Variants in DOCK4 observed in about 807,000 individuals in gnomAD.
DOCK4 encodes the protein dedicator of cytokinesis protein 4.
Under a neutral mutation model 268.1 loss-of-function variants are expected in DOCK4, and 97 were observed. That is an observed-to-expected ratio of 0.36 (90% confidence interval 0.31 to 0.43). DOCK4 has a LOEUF of 0.43. Among genes scored for constraint, DOCK4 ranks in the 20% least tolerant of loss-of-function variants. The pLI is 1.00. For missense variants in DOCK4, 2,145 were observed against 2,455.7 expected (o/e 0.87, Z 2.67); for synonymous variants, 954 against 887.2 (o/e 1.08, Z -1.34).
At chr7:111,999,469 A>G (rs905766842) in intron 3 of DOCK4, among the ~76,000 whole-genome samples, 16 of 152,214 alleles carry the variant, frequency 1.1e-4, no homozygotes, top group African/African-American at 3.8e-4. Flanking sequence ...GACAGAAATA[A>G]CAGAGAAATC....
chr7:111,984,911 C>T (rs1247838387), intron 6 of DOCK4, among the ~76,000 whole-genome samples: 2 of 152,082 alleles, frequency 1.3e-5, no homozygotes, highest in Non-Finnish European at 2.9e-5. Flanking sequence ...TGAGGTCAGT[C>T]GTTAGGAGAA....
At position 111,994,183 on chromosome 7, in the gene DOCK4, C is replaced by T; in HGVS notation, c.267G>A (p.Met89Ile). Residue 89 changes from methionine (M) to isoleucine (I), a missense_variant, in exon 5 of 53, where the codon ATG becomes ATA. Physicochemically the swap from Met to Ile is conservative, Grantham distance 10. Transcript: ENST00000428084. ...TTCCCCAGTCTCTTAATGTTGATGT[C>T]ATTTCTGTGATAACAGAGTCTTCAG... ...IPTEDSVITE[M>I]TSTLRDWGTM... 1.2e-6 allele frequency: 2 copies of T among 1,608,102 alleles called. No homozygotes were observed. The highest frequency in any genetic ancestry group is 2.7e-5 in the African/African-American group (2 of 74,924).
chr7:112,070,763 G>T (rs1018208920), intron 1 of DOCK4, among the ~76,000 whole-genome samples: 1 of 152,134 alleles, frequency 6.6e-6, no homozygotes, highest in Non-Finnish European at 1.5e-5. Flanking sequence ...AACAAAAAAA[G>T]AAATCGCCTA....
chr7:111,935,269 A>G (rs1023136691), intron 12 of DOCK4: 4 of 442,644 alleles, frequency 9.0e-6, no homozygotes, highest in African/African-American at 2.0e-5. Flanking sequence ...TTCAATAACA[A>G]CTTAGGAGTA....
At chr7:111,740,877 C>T (rs79596606) in intron 47 of DOCK4, among the ~76,000 whole-genome samples, 10,984 of 151,580 alleles carry the variant, frequency 0.072, 602 homozygotes, top group African/African-American at 0.15. Context: ...GCTTTTCCAT[C>T]GCTTGCTGAT....
intron 30 of DOCK4, among the ~76,000 whole-genome samples, chr7:111,802,694 C>A (rs1264950692): frequency 6.6e-6 from 1 of 152,126 alleles, no homozygotes; most frequent in Admixed American, 6.5e-5. Flanking sequence ...TAAAAAAAAT[C>A]TCTTCCACTT....
At chr7:111,834,080 T>C (rs1803053488) in intron 26 of DOCK4, among the ~76,000 whole-genome samples, 1 of 152,320 alleles carries the variant, frequency 6.6e-6, no homozygotes, top group South Asian at 2.1e-4. Flanking sequence ...GCATCCTTAT[T>C]TCCTATTTAA....
chr7:112,143,594 C>A (rs549216645), intron 1 of DOCK4, among the ~76,000 whole-genome samples: 1 of 152,178 alleles, frequency 6.6e-6, no homozygotes, highest in African/African-American at 2.4e-5. Flanking sequence ...TAAAAGTTCG[C>A]GGCTCTCCAA....
intron 25 of DOCK4, among the ~76,000 whole-genome samples, chr7:111,839,830 A>T (rs1224300616): frequency 6.6e-6 from 1 of 151,900 alleles, no homozygotes; most frequent in Non-Finnish European, 1.5e-5. Context: ...TAATTTTTTA[A>T]ATTTTTTATT....
At chr7:112,160,023 G>C (rs1816965371) in intron 1 of DOCK4, among the ~76,000 whole-genome samples, 1 of 151,972 alleles carries the variant, frequency 6.6e-6, no homozygotes, top group Admixed American at 6.6e-5. Flanking sequence ...CAGGCTTATA[G>C]ATTTGGGATG....
intron 27 of DOCK4, chr7:111,819,639 A>C (rs1401833868): frequency 6.6e-6 from 1 of 152,246 alleles, no homozygotes; most frequent in Non-Finnish European, 1.5e-5. Flanking sequence ...CACAGCTTAT[A>C]GATGAAAGTT....
chr7:111,750,012 AGT>A (rs1293929765), intron 42 of DOCK4, among the ~76,000 whole-genome samples: 1 of 152,232 alleles, frequency 6.6e-6, no homozygotes, highest in Non-Finnish European at 1.5e-5. Flanking sequence ...TATGTGATAG[AGT>A]GTTCACCAAG....
intron 1 of DOCK4, among the ~76,000 whole-genome samples, chr7:112,103,751 G>A (rs948934836): frequency 8.5e-5 from 13 of 152,168 alleles, no homozygotes; most frequent in African/African-American, 2.6e-4. Context: ...GCATGGTGGC[G>A]CATGCCTGTA....
chr7:112,048,490 G>C (rs1211476568), intron 1 of DOCK4, among the ~76,000 whole-genome samples: 1 of 150,852 alleles, frequency 6.6e-6, no homozygotes, highest in Admixed American at 6.6e-5. Context: ...TTGACCCCAG[G>C]AGGCAGAGGT....
chr7:112,004,196 A>G (rs540964885), intron 1 of DOCK4, 65 bp from the exon 2 acceptor site: 12 of 1,240,026 alleles, frequency 9.7e-6, no homozygotes, highest in South Asian at 1.3e-5. Context: ...ATTACATGTT[A>G]TTGACTAGGA....
intron 1 of DOCK4, among the ~76,000 whole-genome samples, chr7:112,084,518 T>A (rs1361239624): frequency 6.6e-6 from 1 of 152,156 alleles, no homozygotes; most frequent in Admixed American, 6.6e-5. Flanking sequence ...TCTGCTTAGC[T>A]TTGCTGAACA....
At chr7:111,787,448 CAT>C (rs932215120) in intron 32 of DOCK4, among the ~76,000 whole-genome samples, 4 of 151,972 alleles carry the variant, frequency 2.6e-5, no homozygotes, top group Non-Finnish European at 5.9e-5. Flanking sequence ...ATTTAATTAC[CAT>C]ATCAGAAAAA....
intron 30 of DOCK4, among the ~76,000 whole-genome samples, chr7:111,799,715 T>G (rs529441800): frequency 6.6e-6 from 1 of 152,228 alleles, no homozygotes; most frequent in Admixed American, 6.5e-5. Context: ...TAACCTTTCC[T>G]CTCAAAGTTC....
intron 23 of DOCK4, among the ~76,000 whole-genome samples, chr7:111,862,291 T>C (rs1805601445): frequency 6.6e-6 from 1 of 151,798 alleles, no homozygotes; most frequent in African/African-American, 2.4e-5. Context: ...AGAGCAAGAC[T>C]CTGTCTCAAA....
Sources: gnomAD v4.1 joint callset for allele counts (sites outside exome capture counted in the v4.1 genomes callset) on GRCh38, gnomAD v4.1.1 for gene constraint, MANE v1.5 for transcripts, NCBI Gene and HGNC (gene_info 2026-07-23, HGNC 2026-07-21) for gene names.